Variants in MPPED2 observed in about 807,000 individuals in gnomAD.
MPPED2 encodes metallophosphoesterase domain containing 2.
MPPED2 carries 5 observed loss-of-function variants against 33.0 expected under a neutral mutation model. The ratio of observed to expected loss-of-function variants is 0.15; its 90% CI spans 0.08 to 0.32. The LOEUF (loss-of-function observed/expected upper bound fraction) is 0.32, where lower values mean the gene tolerates loss of function less well. MPPED2 is among the 10% of genes least tolerant of loss of function. MPPED2 has a pLI of 1.00. For missense variants in MPPED2, 275 were observed against 372.1 expected, an observed-to-expected ratio of 0.74 and a Z score of 2.15; for synonymous variants, 136 against 141.9, an observed-to-expected ratio of 0.96 and a Z score of 0.29.
chr11:30,426,659 A>T (rs1322341672), intron 4 of MPPED2, among the ~76,000 whole-genome samples: 2 of 152,250 alleles, frequency 1.3e-5, no homozygotes, highest in Non-Finnish European at 2.9e-5. Context: ...GAACAAATCC[A>T]TAGCCAGCCA....
intron 4 of MPPED2, among the ~76,000 whole-genome samples, chr11:30,461,153 C>T (rs1419212360): frequency 6.6e-6 from 1 of 152,046 alleles, no homozygotes. Flanking sequence ...ATATGAGGCA[C>T]CTAAAATAGT....
At chr11:30,585,073 A>G (rs1361293672) in intron 1 of MPPED2, 1 of 152,238 alleles carries the variant, frequency 6.6e-6, no homozygotes, top group Non-Finnish European at 1.5e-5. Context: ...GACGGATTCC[A>G]ACCGGCTCCT....
chr11:30,476,108 T>C (rs965473153), intron 4 of MPPED2, among the ~76,000 whole-genome samples: 1 of 152,084 alleles, frequency 6.6e-6, no homozygotes, highest in African/African-American at 2.4e-5. Context: ...TTTTTATTAG[T>C]GGGTTGTAAG....
chr11:30,501,841 G>A (rs972762752), intron 3 of MPPED2, among the ~76,000 whole-genome samples: 6 of 152,136 alleles, frequency 3.9e-5, no homozygotes, highest in African/African-American at 1.4e-4. Context: ...ATAAAACTCT[G>A]GACATTTAAC....
intron 4 of MPPED2, among the ~76,000 whole-genome samples, chr11:30,458,320 T>C (rs1337334975): frequency 6.6e-6 from 1 of 152,144 alleles, no homozygotes; most frequent in Non-Finnish European, 1.5e-5. Context: ...TGAAAGTCAA[T>C]GGGAAAAGAG....
intron 3 of MPPED2, among the ~76,000 whole-genome samples, chr11:30,503,014 T>C (rs1401053245): frequency 6.6e-6 from 1 of 152,212 alleles, no homozygotes; most frequent in Non-Finnish European, 1.5e-5. Context: ...GCCTGTGATA[T>C]GGTTTGGCTG....
At chr11:30,426,866 C>G (rs1045171133) in intron 4 of MPPED2, among the ~76,000 whole-genome samples, 3 of 152,126 alleles carry the variant, frequency 2.0e-5, no homozygotes, top group African/African-American at 7.2e-5. Context: ...GGAGGGAGGT[C>G]CTTCCGTTTC....
intron 4 of MPPED2, among the ~76,000 whole-genome samples, chr11:30,438,382 T>G (rs1949415973): frequency 6.6e-6 from 1 of 152,334 alleles, no homozygotes; most frequent in South Asian, 2.1e-4. Context: ...AAATTACCTA[T>G]GAAGAATAGG....
intron 4 of MPPED2, among the ~76,000 whole-genome samples, chr11:30,486,276 A>C (rs1951737819): frequency 6.6e-6 from 1 of 152,164 alleles, no homozygotes; most frequent in South Asian, 2.1e-4. Flanking sequence ...GTCTGGCAAG[A>C]CCTGGAGAAG....
At chr11:30,446,552 G>C (rs529177116) in intron 4 of MPPED2, among the ~76,000 whole-genome samples, 2 of 151,638 alleles carry the variant, frequency 1.3e-5, no homozygotes, top group African/African-American at 2.4e-5. Flanking sequence ...ATGTGTGTTC[G>C]CTTGCTGCAG....
intron 3 of MPPED2, among the ~76,000 whole-genome samples, chr11:30,501,242 C>T (rs1169802795): frequency 6.6e-6 from 1 of 152,218 alleles, no homozygotes; most frequent in Non-Finnish European, 1.5e-5. Context: ...AATTGGACCA[C>T]TCCCTGATGC....
chr11:30,422,113 G>C (rs940063642), intron 4 of MPPED2, among the ~76,000 whole-genome samples: 1 of 152,214 alleles, frequency 6.6e-6, no homozygotes, highest in East Asian at 1.9e-4. Context: ...CACTGGTTCA[G>C]TTTCCTCACC....
intron 2 of MPPED2, among the ~76,000 whole-genome samples, chr11:30,541,690 T>C (rs1213973945): frequency 6.6e-6 from 1 of 152,134 alleles, no homozygotes; most frequent in Non-Finnish European, 1.5e-5. Context: ...CCTCCTGGGT[T>C]CAAGCAATTC....
At chr11:30,458,915 T>TTC (rs1491265869) in intron 4 of MPPED2, among the ~76,000 whole-genome samples, 19 of 55,160 alleles carry the variant, frequency 3.4e-4, no homozygotes, top group African/African-American at 8.7e-4. Context: ...TGCACAGTTC[T>TTC]TTTTTTTTTT....
At chr11:30,549,685 C>T (rs1206125686) in intron 2 of MPPED2, among the ~76,000 whole-genome samples, 2 of 152,176 alleles carry the variant, frequency 1.3e-5, no homozygotes, top group Admixed American at 6.5e-5. Flanking sequence ...AAAAACCTCA[C>T]AGGTACTCCC....
At chr11:30,468,612 A>G (rs555900483) in intron 4 of MPPED2, among the ~76,000 whole-genome samples, 3 of 152,328 alleles carry the variant, frequency 2.0e-5, no homozygotes, top group Admixed American at 6.5e-5. Flanking sequence ...GAGAGAAAAG[A>G]AAGAAAAGAT....
At chr11:30,479,604 T>C (rs563092) in intron 4 of MPPED2, among the ~76,000 whole-genome samples, 114,393 of 151,896 alleles carry the variant, frequency 0.75, 44,117 homozygotes, top group African/African-American at 0.93. Context: ...AGGTTTGATT[T>C]TGAGGATAGT....
intron 1 of MPPED2, among the ~76,000 whole-genome samples, chr11:30,582,221 C>T (rs1957199581): frequency 6.6e-6 from 1 of 151,964 alleles, no homozygotes; most frequent in African/African-American, 2.4e-5. Flanking sequence ...ACTACTGAAG[C>T]GCAAAACTGC....
At chr11:30,533,297 C>T (rs1444783631) in intron 3 of MPPED2, among the ~76,000 whole-genome samples, 4 of 152,054 alleles carry the variant, frequency 2.6e-5, no homozygotes, top group Non-Finnish European at 5.9e-5. Context: ...AGTGCCTGGC[C>T]TATAGTAGAA....
Sources: gnomAD v4.1 joint callset for allele counts (sites outside exome capture counted in the v4.1 genomes callset) on GRCh38, gnomAD v4.1.1 for gene constraint, MANE v1.5 for transcripts, NCBI Gene and HGNC (gene_info 2026-07-23, HGNC 2026-07-21) for gene names.